The following LRP1B variants were observed in gnomAD, a reference collection of about 807,000 sequenced individuals.
LRP1B encodes the protein LDL receptor related protein 1B.
Under a neutral mutation model 556.6 loss-of-function variants are expected in LRP1B, and 217 were observed. The ratio of observed to expected loss-of-function variants is 0.39; its 90% CI spans 0.35 to 0.44. LRP1B has a LOEUF of 0.44. LRP1B is among the 20% of genes least tolerant of loss of function. The pLI, the probability that LRP1B is intolerant of heterozygous loss-of-function variation, is 1.00. For missense variants in LRP1B, 5,053 were observed against 5,620.8 expected, an observed-to-expected ratio of 0.90 and a Z score of 3.23; for synonymous variants, 2,047 against 1,865.8, an observed-to-expected ratio of 1.10 and a Z score of -2.50.
intron 1 of LRP1B, among the ~76,000 whole-genome samples, chr2:141,835,231 G>A (rs895617234): frequency 6.6e-6 from 1 of 151,934 alleles, no homozygotes; most frequent in African/African-American, 2.4e-5. Context: ...TGGTTGACCT[G>A]TACTGATCTA....
At chr2:141,333,174 T>C (rs1687720898) in intron 3 of LRP1B, among the ~76,000 whole-genome samples, 2 of 152,158 alleles carry the variant, frequency 1.3e-5, no homozygotes, top group Non-Finnish European at 2.9e-5. Context: ...CAAATGACTT[T>C]AAGAGCAGCA....
At chr2:140,827,026 T>C (rs996022460) in intron 31 of LRP1B, among the ~76,000 whole-genome samples, 11 of 152,088 alleles carry the variant, frequency 7.2e-5, no homozygotes, top group African/African-American at 2.7e-4. Context: ...ACCAGAAGTG[T>C]TCTGAACACC....
At chr2:141,421,528 C>CAAAAAA (rs34839214) in intron 3 of LRP1B, among the ~76,000 whole-genome samples, 1 of 138,220 alleles carries the variant, frequency 7.2e-6, no homozygotes, top group African/African-American at 2.8e-5. Flanking sequence ...GACTCTGTCT[C>CAAAAAA]AAAAAAAAAA....
At chr2:142,016,641 A>G (rs1703139542) in intron 1 of LRP1B, among the ~76,000 whole-genome samples, 1 of 151,850 alleles carries the variant, frequency 6.6e-6, no homozygotes, top group South Asian at 2.1e-4. Context: ...GAACACATGG[A>G]CACAGGGAGG....
At chr2:141,827,892 G>T (rs996068798) in intron 1 of LRP1B, among the ~76,000 whole-genome samples, 3 of 151,214 alleles carry the variant, frequency 2.0e-5, no homozygotes, top group African/African-American at 7.3e-5. Context: ...ATAATATTTA[G>T]ACATATATTT....
At chr2:140,864,700 T>G (rs866340767) in intron 27 of LRP1B, among the ~76,000 whole-genome samples, 1 of 152,052 alleles carries the variant, frequency 6.6e-6, no homozygotes. Context: ...TAGTTGTATT[T>G]TACTGATAAA....
intron 11 of LRP1B, among the ~76,000 whole-genome samples, chr2:141,041,871 A>T (rs532973347): frequency 6.6e-6 from 1 of 152,176 alleles, no homozygotes; most frequent in East Asian, 1.9e-4. Context: ...TACAATTATT[A>T]TGTGTCAACA....
intron 1 of LRP1B, among the ~76,000 whole-genome samples, chr2:142,111,674 A>C (rs1706993048): frequency 6.6e-6 from 1 of 152,266 alleles, no homozygotes; most frequent in South Asian, 2.1e-4. Context: ...GGTAAATTCC[A>C]TCTGTTACAG....
intron 56 of LRP1B, among the ~76,000 whole-genome samples, chr2:140,493,717 C>A (rs915033588): frequency 6.6e-6 from 1 of 151,380 alleles, no homozygotes; most frequent in Non-Finnish European, 1.5e-5. Context: ...ATTGTTATAC[C>A]GTTATTGTCC....
intron 1 of LRP1B, among the ~76,000 whole-genome samples, chr2:142,018,038 A>T (rs1033435600): frequency 1.3e-5 from 2 of 151,676 alleles, no homozygotes; most frequent in Non-Finnish European, 2.9e-5. Flanking sequence ...ATGCATTTCA[A>T]TTGTCTGTCA....
intron 83 of LRP1B, among the ~76,000 whole-genome samples, chr2:140,301,233 CA>C (rs1413261078): frequency 6.6e-6 from 1 of 151,894 alleles, no homozygotes; most frequent in Non-Finnish European, 1.5e-5. Context: ...GCAAACAAAC[CA>C]AAAAGCAAAT....
At chr2:140,582,429 T>C (rs1392294603) in intron 43 of LRP1B, among the ~76,000 whole-genome samples, 4 of 152,204 alleles carry the variant, frequency 2.6e-5, no homozygotes, top group African/African-American at 4.8e-5. Flanking sequence ...AGGGTTATAA[T>C]TGGTGCTACG....
intron 31 of LRP1B, among the ~76,000 whole-genome samples, chr2:140,837,156 C>A (rs1691934289): frequency 6.6e-6 from 1 of 152,128 alleles, no homozygotes; most frequent in African/African-American, 2.4e-5. Context: ...AGATGTCTTG[C>A]TTCATAAATT....
chr2:141,687,788 A>G (rs1432309722), intron 2 of LRP1B, among the ~76,000 whole-genome samples: 1 of 151,952 alleles, frequency 6.6e-6, no homozygotes. Context: ...AATTCTACCA[A>G]TTAAACTTCC....
At chr2:141,879,997 C>A (rs192847616) in intron 1 of LRP1B, among the ~76,000 whole-genome samples, 1 of 151,800 alleles carries the variant, frequency 6.6e-6, no homozygotes, top group Admixed American at 6.6e-5. Flanking sequence ...TCTTCTATTG[C>A]CTTAAAATTC....
At chr2:141,078,555 G>A (rs1414342184) in intron 7 of LRP1B, among the ~76,000 whole-genome samples, 1 of 152,102 alleles carries the variant, frequency 6.6e-6, no homozygotes, top group Admixed American at 6.5e-5. Context: ...GACATATAAA[G>A]CAAGGGCATC....
chr2:141,289,871 T>C (rs1374404009), intron 3 of LRP1B, among the ~76,000 whole-genome samples: 2 of 152,198 alleles, frequency 1.3e-5, no homozygotes. Context: ...TTCTACCTTA[T>C]ATATGTGTTA....
intron 18 of LRP1B, among the ~76,000 whole-genome samples, chr2:140,977,472 A>G (rs1696635783): frequency 6.6e-6 from 1 of 152,206 alleles, no homozygotes; most frequent in Non-Finnish European, 1.5e-5. Context: ...CTTCCAACTT[A>G]AATTAATTTT....
chr2:141,346,615 C>T (rs964823616), intron 3 of LRP1B, among the ~76,000 whole-genome samples: 3 of 152,054 alleles, frequency 2.0e-5, no homozygotes, highest in Non-Finnish European at 4.4e-5. Flanking sequence ...CCTGTTTTTT[C>T]CTTGTCACAG....
Sources: gnomAD v4.1 joint callset for allele counts (sites outside exome capture counted in the v4.1 genomes callset) on GRCh38, gnomAD v4.1.1 for gene constraint, MANE v1.5 for transcripts, NCBI Gene and HGNC (gene_info 2026-07-23, HGNC 2026-07-21) for gene names.